ZBTB7C: variants seen among roughly 807,000 people sequenced by gnomAD.
ZBTB7C encodes zinc finger and BTB domain containing 7C.
ZBTB7C carries 8 observed loss-of-function variants against 25.7 expected under a neutral mutation model. The ratio of observed to expected loss-of-function variants is 0.31; its 90% CI spans 0.18 to 0.56. The LOEUF is 0.56. Among genes scored for constraint, ZBTB7C ranks in the 20% least tolerant of loss-of-function variants. ZBTB7C has a pLI of 0.91. For missense variants in ZBTB7C, 824 were observed against 855.2 expected (o/e 0.96, Z 0.46); for synonymous variants, 394 against 369.0 (o/e 1.07, Z -0.78).
chr18:48,289,828 ACT>A lies in ZBTB7C; in HGVS notation c.-79+48344_-79+48345del, dbSNP rs543018469. Among the ~76,000 whole-genome samples, 10 of 152,192 alleles carry A rather than the reference ACT, an allele frequency of 6.6e-5. No homozygotes were observed. In the East Asian group the frequency reaches 1.9e-3, roughly 29 times the overall value. ...ATGGTTCCATGGTGTAACGGTTAGC[ACT>A]CTGCACTCTGAAAAGTCCTAGAAGG... On this transcript the variant is annotated intron_variant, in intron 2 of 4. Transcript: ENST00000590800.
intron 2 of ZBTB7C, among the ~76,000 whole-genome samples, chr18:48,233,602 A>C (rs1284531931): frequency 6.6e-6 from 1 of 152,206 alleles, no homozygotes; most frequent in Non-Finnish European, 1.5e-5. Context: ...GCTTCCTAGC[A>C]GTTAAGGACA....
rs751984192 is a variant in ZBTB7C, at chr18:48,040,830, T to C, written c.278A>G (p.Tyr93Cys). 1 of 1,613,918 alleles carries C rather than the reference T, an allele frequency of 6.2e-7. No homozygotes were observed. The highest frequency in any genetic ancestry group is 8.5e-7 in the Non-Finnish European group (1 of 1,179,936). ...AGCGGTGATGGTGAGCGTGGAGGTG[T>C]AGGCGAACTCCAGGATAGCAGCCAG... ...EALAAILEFA[Y>C]TSTLTITAGN... Residue 93 changes from tyrosine to cysteine, a missense_variant, in exon 4 of 5, where the codon TAC becomes TGC. Tyr to Cys is a radical substitution (Grantham distance 194, BLOSUM62 -2). Around this residue, in one of 4 missense-constraint regions of ZBTB7C, gnomAD observed 117 missense variants for 167.7 expected, o/e 0.70. Transcript: ENST00000590800.
At chr18:48,272,977 A>T (rs767914757) in intron 2 of ZBTB7C, among the ~76,000 whole-genome samples, 1 of 152,230 alleles carries the variant, frequency 6.6e-6, no homozygotes, top group South Asian at 2.1e-4. Context: ...AAGTAGATTA[A>T]TGGTTTCCAG....
chr18:48,401,416 T>C (rs988175293), intron 1 of ZBTB7C, among the ~76,000 whole-genome samples: 1 of 152,136 alleles, frequency 6.6e-6, no homozygotes, highest in Non-Finnish European at 1.5e-5. Context: ...CAAATTGGTA[T>C]TATCACCACT....
intron 2 of ZBTB7C, among the ~76,000 whole-genome samples, chr18:48,271,022 T>A (rs568121215): frequency 7.9e-5 from 12 of 152,258 alleles, no homozygotes; most frequent in African/African-American, 1.7e-4. Context: ...CATATATGTA[T>A]AAATGATCAT....
chr18:48,326,315 C>T (rs907073461), intron 2 of ZBTB7C, among the ~76,000 whole-genome samples: 5 of 152,020 alleles, frequency 3.3e-5, no homozygotes, highest in African/African-American at 1.2e-4. Flanking sequence ...AGGCTGGTCT[C>T]GAACCCCTGA....
chr18:48,227,019 C>CAAAAAAAA (rs1187830776), intron 2 of ZBTB7C, among the ~76,000 whole-genome samples: 2 of 56,114 alleles, frequency 3.6e-5, no homozygotes, highest in Admixed American at 2.1e-4. Flanking sequence ...GACTCCATCT[C>CAAAAAAAA]AAAAAAAAAA....
chr18:48,261,680 C>T (rs916534582), intron 2 of ZBTB7C, among the ~76,000 whole-genome samples: 1 of 152,278 alleles, frequency 6.6e-6, no homozygotes, highest in South Asian at 2.1e-4. Context: ...AGCATGGACA[C>T]TAGGCTCCCA....
At chr18:48,041,268 A>G in intron 3 of ZBTB7C, 145 bp from the exon 4 acceptor site, 1 of 1,403,768 alleles carries the variant, frequency 7.1e-7, no homozygotes. Context: ...GCCTTGCCAA[A>G]TCTCACCTGC....
chr18:48,165,012 C>CAA (rs2041195457), intron 3 of ZBTB7C: 1 of 1,192,406 alleles, frequency 8.4e-7, no homozygotes, highest in African/African-American at 1.6e-5. Context: ...CTTAGGAAAT[C>CAA]TTAAGCCAAA....
chr18:48,055,771 A>G (rs1298198833), intron 3 of ZBTB7C, among the ~76,000 whole-genome samples: 2 of 151,686 alleles, frequency 1.3e-5, no homozygotes, highest in African/African-American at 2.4e-5. Flanking sequence ...CTCCACCCCA[A>G]CTCGACCCCA....
At chr18:48,259,013 G>A (rs923671154) in intron 2 of ZBTB7C, among the ~76,000 whole-genome samples, 10 of 151,800 alleles carry the variant, frequency 6.6e-5, no homozygotes, top group East Asian at 3.9e-4. Context: ...GCAGTGGTGC[G>A]ATCTCAGCTC....
chr18:48,202,449 G>A (rs911114255), intron 2 of ZBTB7C, among the ~76,000 whole-genome samples: 2 of 150,610 alleles, frequency 1.3e-5, no homozygotes, highest in African/African-American at 2.4e-5. Context: ...GTCGCAGGGC[G>A]GGACAGAAGG....
chr18:48,204,762 C>T (rs770991751), intron 2 of ZBTB7C, among the ~76,000 whole-genome samples: 5 of 152,164 alleles, frequency 3.3e-5, no homozygotes, highest in Non-Finnish European at 7.3e-5. Flanking sequence ...GTACCAATTC[C>T]ACCCTCTCTC....
chr18:48,059,168 G>A (rs1472585059), intron 3 of ZBTB7C, among the ~76,000 whole-genome samples: 1 of 152,132 alleles, frequency 6.6e-6, no homozygotes, highest in African/African-American at 2.4e-5. Context: ...GAAGCAGGAT[G>A]TACTCTTTGG....
chr18:48,073,413 G>C (rs897578634), intron 3 of ZBTB7C, among the ~76,000 whole-genome samples: 15 of 152,140 alleles, frequency 9.9e-5, no homozygotes, highest in Admixed American at 4.6e-4. Flanking sequence ...TCACCCTGGC[G>C]GGGAGGGCGG....
chr18:48,406,255 T>C (rs2048279077), intron 1 of ZBTB7C, among the ~76,000 whole-genome samples: 1 of 152,058 alleles, frequency 6.6e-6, no homozygotes, highest in South Asian at 2.1e-4. Context: ...AATGCCCTGG[T>C]GACAGCCTCC....
chr18:48,143,141 C>G (rs984937662), intron 3 of ZBTB7C, among the ~76,000 whole-genome samples: 1 of 152,094 alleles, frequency 6.6e-6, no homozygotes, highest in African/African-American at 2.4e-5. Flanking sequence ...TGTTCCCCAC[C>G]CTCAGGGGCC....
intron 3 of ZBTB7C, among the ~76,000 whole-genome samples, chr18:48,146,840 T>C (rs961773192): frequency 5.9e-5 from 9 of 152,372 alleles, no homozygotes; most frequent in Admixed American, 3.3e-4. Flanking sequence ...GGTTATTGTT[T>C]AAAACACCAT....
Sources: allele counts gnomAD v4.1 joint callset (sites outside exome capture counted in the v4.1 genomes callset), GRCh38; gene constraint gnomAD v4.1.1; regional missense constraint gnomAD v4.1.1; transcripts MANE v1.5; gene names NCBI Gene and HGNC (gene_info 2026-07-23, HGNC 2026-07-21).